Variants in RELCH observed in about 807,000 individuals in gnomAD.
RELCH encodes RAB11 binding and LisH domain, coiled-coil and HEAT repeat containing, also known as RAB11-binding protein RELCH.
In RELCH, 41 loss-of-function variants were observed where a neutral mutation model predicts 150.3. The ratio of observed to expected loss-of-function variants is 0.27; its 90% CI spans 0.21 to 0.35. The LOEUF (loss-of-function observed/expected upper bound fraction) is 0.35. RELCH is among the 10% of genes least tolerant of loss of function. RELCH has a pLI of 1.00. For missense variants in RELCH, 1,092 were observed against 1,467.8 expected (o/e 0.74, Z 4.18); for synonymous variants, 478 against 531.8 (o/e 0.90, Z 1.39).
intron 2 of RELCH, among the ~76,000 whole-genome samples, chr18:62,217,247 AAAG>A (rs1187736548): frequency 6.6e-6 from 1 of 151,972 alleles, no homozygotes; most frequent in African/African-American, 2.4e-5. Context: ...AAGTGGGAAA[AAAG>A]AAAAAGAGTT....
intron 28 of RELCH, among the ~76,000 whole-genome samples, chr18:62,302,812 G>A (rs1290788195): frequency 2.6e-5 from 4 of 152,052 alleles, no homozygotes; most frequent in African/African-American, 7.2e-5. Context: ...GCTGTGAGCC[G>A]CTGTGCCTGG....
chr18:62,273,712 C>T (rs145152484), intron 20 of RELCH, among the ~76,000 whole-genome samples: 3 of 152,214 alleles, frequency 2.0e-5, no homozygotes, highest in East Asian at 3.9e-4. Context: ...TACATAATTT[C>T]TTATTTAAAT....
intron 1 of RELCH, among the ~76,000 whole-genome samples, chr18:62,189,276 T>TTG (rs2038435900): frequency 1.5e-5 from 1 of 67,514 alleles, no homozygotes; most frequent in Admixed American, 2.0e-4. Context: ...TTTTTTGTTG[T>TTG]TTTTTTTTTT....
chr18:62,195,006 A>G (rs1188517132), intron 1 of RELCH, among the ~76,000 whole-genome samples: 7 of 152,216 alleles, frequency 4.6e-5, no homozygotes, highest in African/African-American at 1.4e-4. Flanking sequence ...ACATACTTTA[A>G]GAAGTCTTCA....
chr18:62,212,963 T>G (rs1568322210), intron 2 of RELCH, among the ~76,000 whole-genome samples: 1 of 152,216 alleles, frequency 6.6e-6, no homozygotes, highest in Non-Finnish European at 1.5e-5. Context: ...TAGCAGAATA[T>G]CCATGTAATG....
chr18:62,206,833 T>C (rs1432725938), intron 1 of RELCH, among the ~76,000 whole-genome samples: 2 of 101,800 alleles, frequency 2.0e-5, no homozygotes, highest in African/African-American at 3.8e-5. Context: ...CTTCTGTACA[T>C]TGTAACTGCT....
rs1476687462 is a variant in RELCH, at chr18:62,187,614, G to A, written c.109G>A (p.Ala37Thr). 1.3e-6 allele frequency: 2 copies of A among 1,534,798 alleles called. No individual in the cohort carries two copies. The highest frequency in any genetic ancestry group is 4.2e-5 in the Admixed American group (2 of 47,872). Residue 37 changes from alanine (A) to threonine (T), a missense_variant, in exon 1 of 29, where the codon GCA becomes ACA. Physicochemically the swap from Ala to Thr is moderately conservative, Grantham distance 58 (BLOSUM62 0). This residue lies in a region of RELCH where 138 missense variants were observed against 124.8 expected (regional missense o/e 1.11). Coordinates refer to ENST00000644646, the MANE Select transcript of RELCH (RefSeq NM_001346231.2). ...GGTAGCTGCAACAGAGGAACGGCGG[G>A]CAGTACTTCGGCTGGGCGCCGGAAG... ...DEVAATEERR[A>T]VLRLGAGSGL...
chr18:62,277,099 G>C (rs2044252652), intron 22 of RELCH, among the ~76,000 whole-genome samples: 1 of 151,996 alleles, frequency 6.6e-6, no homozygotes, highest in African/African-American at 2.4e-5. Context: ...GTGTGCACTG[G>C]TGAATCAAAC....
chr18:62,309,241 AAAAAAT>A lies in RELCH; in HGVS notation c.*3710_*3715del, dbSNP rs2045952158. ...GAGAGTGAGACTACATCTCAAAAAA[AAAAAAT>A]AATAATAGAGACAAACTACTAATCA... On this transcript the variant is annotated 3_prime_UTR_variant, in exon 29 of 29. Coordinates refer to ENST00000644646, the MANE Select transcript of RELCH (RefSeq NM_001346231.2). 7.4e-6 allele frequency: 1 copy of A among 134,526 alleles called. No homozygotes were observed. The highest frequency in any genetic ancestry group is 4.0e-5 in the African/African-American group (1 of 25,184). The allele number at this position is 134,526 out of a possible 1,614,324, so 8.3% of individuals were successfully genotyped here. A position where few individuals can be genotyped will look rare whatever the true frequency, so the allele number is the denominator to read the frequency against.
intron 25 of RELCH, 94 bp downstream of exon 25, chr18:62,282,538 GC>G (rs1407109600): frequency 5.5e-6 from 7 of 1,282,666 alleles, no homozygotes; most frequent in South Asian, 1.3e-5. Context: ...AAATTTTGGT[GC>G]ATTTGTCATG....
At position 62,258,572 on chromosome 18, in the gene RELCH, C is replaced by T. The variant is rs746069802; in HGVS notation, c.2098C>T (p.His700Tyr). 4.4e-6 allele frequency: 7 copies of T among 1,606,242 alleles called. No homozygotes were observed. Among genetic ancestry groups the T allele is most frequent in the Non-Finnish European group, 8.5e-7 (1 of 1,177,226 alleles). Reference sequence around the variant, plus strand: ...CTCAGAAAGAGTAGTTAGTGCTACACATCAAGTATTTTTACCAGCTTACGC... The same window carrying T: ...CTCAGAAAGAGTAGTTAGTGCTACATATCAAGTATTTTTACCAGCTTACGC... ...DPSERVVSAT[H>Y]QVFLPAYAAW... Residue 700 changes from histidine (H) to tyrosine (Y), a missense_variant, in exon 15 of 29, where the codon CAT (histidine) becomes TAT (tyrosine). This residue lies in a region of RELCH where 707 missense variants were observed against 1,025.4 expected (regional missense o/e 0.69). Coordinates refer to ENST00000644646, the MANE Select transcript of RELCH (RefSeq NM_001346231.2).
At chr18:62,276,194 C>T (rs1001068363) in intron 22 of RELCH, among the ~76,000 whole-genome samples, 1 of 152,104 alleles carries the variant, frequency 6.6e-6, no homozygotes, top group Non-Finnish European at 1.5e-5. Flanking sequence ...GATTTCCAGT[C>T]TTGCAATAAA....
chr18:62,285,759 C>G (rs1354917629), intron 25 of RELCH: 4 of 152,278 alleles, frequency 2.6e-5, no homozygotes, highest in Admixed American at 6.5e-5. Flanking sequence ...GAGCAAGACC[C>G]CATCTCTTAA....
chr18:62,252,789 A>G (rs1245023873), intron 12 of RELCH, 35 bp downstream of exon 12: 35 of 1,450,854 alleles, frequency 2.4e-5, no homozygotes, highest in Non-Finnish European at 3.4e-5. Context: ...CCTAGCTATT[A>G]TAGCCTGATT....
intron 1 of RELCH, among the ~76,000 whole-genome samples, chr18:62,188,291 GT>G (rs887392640): frequency 6.6e-5 from 10 of 152,118 alleles, no homozygotes; most frequent in Non-Finnish European, 1.3e-4. Context: ...AATATCAAGA[GT>G]TTCTAGTTCA....
chr18:62,258,292 C>A (rs1236547923), intron 14 of RELCH, among the ~76,000 whole-genome samples: 1 of 151,966 alleles, frequency 6.6e-6, no homozygotes, highest in Non-Finnish European at 1.5e-5. Context: ...TCTGCCACAG[C>A]TTTCTGGCAG....
In RELCH at chr18:62,252,696, C is replaced by T. The variant is rs761477095; in HGVS notation, c.1766C>T (p.Ala589Val). ...ATACTGACAGGTTGTGTGGCATTTG[C>T]GCGTCATGTTGGACCAACACGTGTA... ...QMILTGCVAF[A>V]RHVGPTRVEA... Residue 589 changes from alanine (A) to valine (V), a missense_variant, in exon 12 of 29, where the codon GCG (alanine) becomes GTG (valine). Physicochemically the swap from Ala to Val is moderately conservative, Grantham distance 64. Around this residue, in one of 4 missense-constraint regions of RELCH, gnomAD observed 707 missense variants for 1,025.4 expected, o/e 0.69. Transcript: ENST00000644646. 6.2e-7 allele frequency: 1 copy of T among 1,613,818 alleles called. No homozygotes were observed. The highest frequency in any genetic ancestry group is 8.5e-7 in the Non-Finnish European group (1 of 1,179,874).
intron 25 of RELCH, among the ~76,000 whole-genome samples, chr18:62,284,718 C>T (rs887706444): frequency 6.6e-6 from 1 of 152,044 alleles, no homozygotes; most frequent in African/African-American, 2.4e-5. Flanking sequence ...GTAACGTCTC[C>T]CTTGGAGTGG....
chr18:62,197,774 A>G (rs2039146019), intron 1 of RELCH, among the ~76,000 whole-genome samples: 1 of 152,244 alleles, frequency 6.6e-6, no homozygotes, highest in Non-Finnish European at 1.5e-5. Context: ...ACTAAGATAC[A>G]GGACAGACAT....
Sources: allele counts gnomAD v4.1 joint callset (sites outside exome capture counted in the v4.1 genomes callset), GRCh38; gene constraint gnomAD v4.1.1; regional missense constraint gnomAD v4.1.1; transcripts MANE v1.5; gene names NCBI Gene and HGNC (gene_info 2026-07-23, HGNC 2026-07-21).